Variants in CDH20 observed in about 807,000 individuals in gnomAD.
CDH20 encodes the protein cadherin-20.
Under a neutral mutation model 74.2 loss-of-function variants are expected in CDH20, and 29 were observed. The ratio of observed to expected loss-of-function variants is 0.39; its 90% CI spans 0.29 to 0.53. CDH20 has a LOEUF of 0.53. Among genes scored for constraint, CDH20 ranks in the 20% least tolerant of loss-of-function variants. CDH20 has a pLI of 0.69. For synonymous variants in CDH20, 469 were observed against 405.4 expected, an observed-to-expected ratio of 1.16 and a Z score of -1.88; for missense variants, 988 against 1,048.3, an observed-to-expected ratio of 0.94 and a Z score of 0.79.
intron 7 of CDH20, among the ~76,000 whole-genome samples, chr18:61,536,207 G>A (rs146109899): frequency 5.3e-4 from 81 of 152,276 alleles, no homozygotes; most frequent in African/African-American, 1.8e-3. Flanking sequence ...CAAGCATTAC[G>A]TAGCATAAAC....
In CDH20 at chr18:61,554,769, A is replaced by G. The variant is rs1913574026; in HGVS notation, c.*74A>G. The stretch of plus-strand genomic sequence containing the variant: ...GTGCTTCGCGGACAAGGTGCAGCCA[A>G]CCACACGAGCAATACTGTGCTGGAG... On this transcript the variant is annotated 3_prime_UTR_variant, in exon 12 of 12. Coordinates refer to ENST00000262717, the MANE Select transcript of CDH20 (RefSeq NM_031891.4). 2 of 1,474,302 alleles carry G rather than the reference A, an allele frequency of 1.4e-6. No individual in the cohort carries two copies. The highest frequency in any genetic ancestry group is 9.0e-7 in the Non-Finnish European group (1 of 1,112,264). 91.3% of individuals were successfully genotyped at this position (1,474,302 alleles called of 1,614,324 possible). A position where few individuals can be genotyped will look rare whatever the true frequency, so the allele number is the denominator to read the frequency against.
intron 1 of CDH20, among the ~76,000 whole-genome samples, chr18:61,375,426 G>A (rs1477415819): frequency 6.6e-6 from 1 of 152,082 alleles, no homozygotes; most frequent in African/African-American, 2.4e-5. Context: ...GGCTTATACA[G>A]ACGATCTTAG....
chr18:61,496,030 A>T (rs1236741282), intron 2 of CDH20, among the ~76,000 whole-genome samples: 12 of 18,138 alleles, frequency 6.6e-4, no homozygotes, highest in Non-Finnish European at 8.6e-4. Context: ...TTCCTCTCCC[A>T]CCTCTCTCCT....
intron 6 of CDH20, among the ~76,000 whole-genome samples, chr18:61,527,198 TA>T (rs1175638667): frequency 1.3e-5 from 2 of 151,922 alleles, no homozygotes; most frequent in Non-Finnish European, 2.9e-5. Context: ...ATAGTAACAA[TA>T]AAAGGGATTG....
At chr18:61,393,983 A>T (rs1911879009) in intron 1 of CDH20, among the ~76,000 whole-genome samples, 1 of 152,072 alleles carries the variant, frequency 6.6e-6, no homozygotes, top group Non-Finnish European at 1.5e-5. Context: ...CTTCTCATTA[A>T]TTTTTTAATT....
intron 6 of CDH20, among the ~76,000 whole-genome samples, chr18:61,527,527 G>A (rs8083225): frequency 0.12 from 18,371 of 152,032 alleles, 1,450 homozygotes; most frequent in African/African-American, 0.22. Flanking sequence ...GTGACCAACC[G>A]TCCTGGTTTG....
intron 6 of CDH20, among the ~76,000 whole-genome samples, chr18:61,520,403 T>A (rs1190778839): frequency 6.7e-6 from 1 of 149,656 alleles, no homozygotes; most frequent in African/African-American, 2.5e-5. Flanking sequence ...CCTAAATATA[T>A]ATGCACCCAA....
chr18:61,551,161 T>G (rs1913418586), intron 11 of CDH20, among the ~76,000 whole-genome samples: 1 of 152,210 alleles, frequency 6.6e-6, no homozygotes, highest in Non-Finnish European at 1.5e-5. Flanking sequence ...TCTTTTCTAA[T>G]TCCACACTCA....
chr18:61,457,748 A>T (rs1871611263), intron 1 of CDH20, among the ~76,000 whole-genome samples: 2 of 152,130 alleles, frequency 1.3e-5, no homozygotes, highest in African/African-American at 4.8e-5. Context: ...AATACGTGGC[A>T]AGATCTTAGC....
At chr18:61,410,365 T>A (rs1240216686) in intron 1 of CDH20, among the ~76,000 whole-genome samples, 2 of 152,188 alleles carry the variant, frequency 1.3e-5, no homozygotes, top group East Asian at 3.8e-4. Context: ...TTTGAAATTT[T>A]AAAAAATACA....
chr18:61,449,933 A>G (rs918571997), intron 1 of CDH20, among the ~76,000 whole-genome samples: 1 of 152,030 alleles, frequency 6.6e-6, no homozygotes, highest in African/African-American at 2.4e-5. Context: ...AGAAATAAAG[A>G]AAACTTAGGC....
intron 1 of CDH20, among the ~76,000 whole-genome samples, chr18:61,444,534 T>C (rs1052504222): frequency 1.3e-5 from 2 of 152,108 alleles, no homozygotes; most frequent in African/African-American, 4.8e-5. Context: ...TTCTCAGGCA[T>C]TGAGATAGTC....
chr18:61,354,350 GTGGTCCCAGAACTT>G (rs1910420469), intron 1 of CDH20, among the ~76,000 whole-genome samples: 1 of 152,204 alleles, frequency 6.6e-6, no homozygotes, highest in African/African-American at 2.4e-5. Flanking sequence ...GCTCACGCCT[GTGGTCCCAGAACTT>G]TGGGAGGCCA....
chr18:61,424,111 C>T (rs910506133), intron 1 of CDH20, among the ~76,000 whole-genome samples: 2 of 152,332 alleles, frequency 1.3e-5, no homozygotes, highest in South Asian at 4.1e-4. Flanking sequence ...ATTGTACATA[C>T]TTACGGGGTA....
chr18:61,416,035 C>A (rs1912671387), intron 1 of CDH20, among the ~76,000 whole-genome samples: 1 of 133,608 alleles, frequency 7.5e-6, no homozygotes. Context: ...ACACAATGTT[C>A]CAAGATGTAA....
In CDH20 at chr18:61,538,597, T is replaced by G. The variant is rs1272758221; in HGVS notation, c.1409-427T>G. ...TAACTACTTTTTGTTTGTTTGTTTG[T>G]TTTTGTTTTTGTTTTTGTTTTTGTT... is the stretch of plus-strand genomic sequence containing the variant. On this transcript the variant is annotated intron_variant, in intron 8 of 11. Transcript: ENST00000262717. Among the ~76,000 whole-genome samples, 28 of 13,804 alleles carry G rather than the reference T, an allele frequency of 2.0e-3. 1 individual carries two copies. Among genetic ancestry groups the G allele is most frequent in the African/African-American group, 5.1e-3 (25 of 4,878 alleles). The allele number at this position is 13,804 out of a possible 152,430, so 9.1% of individuals were successfully genotyped here. A position where few individuals can be genotyped will look rare whatever the true frequency, so the allele number is the denominator to read the frequency against.
At chr18:61,401,118 A>T (rs540299341) in intron 1 of CDH20, among the ~76,000 whole-genome samples, 1 of 152,330 alleles carries the variant, frequency 6.6e-6, no homozygotes, top group African/African-American at 2.4e-5. Flanking sequence ...AGAGGACACT[A>T]TCTTGGAATG....
chr18:61,422,386 T>G (rs772846992), intron 1 of CDH20, among the ~76,000 whole-genome samples: 1 of 152,132 alleles, frequency 6.6e-6, no homozygotes, highest in African/African-American at 2.4e-5. Context: ...TAAATTAAAT[T>G]AGAAATTAGT....
intron 6 of CDH20, among the ~76,000 whole-genome samples, chr18:61,509,419 G>A (rs1164483883): frequency 1.3e-5 from 2 of 152,104 alleles, no homozygotes; most frequent in Non-Finnish European, 2.9e-5. Flanking sequence ...ATGAACTATT[G>A]AGGAAAGCGT....
Sources: allele counts gnomAD v4.1 joint callset (sites outside exome capture counted in the v4.1 genomes callset), GRCh38; gene constraint gnomAD v4.1.1; transcripts MANE v1.5; gene names NCBI Gene and HGNC (gene_info 2026-07-23, HGNC 2026-07-21).